The following MEGF11 variants were observed in gnomAD, a reference collection of about 807,000 sequenced individuals.
MEGF11 encodes the protein multiple EGF like domains 11, also known as multiple epidermal growth factor-like domains protein 11.
Under a neutral mutation model 146.6 loss-of-function variants are expected in MEGF11, and 126 were observed. The ratio of observed to expected loss-of-function variants is 0.86; its 90% confidence interval spans 0.74 to 1.00. The LOEUF (loss-of-function observed/expected upper bound fraction) is 1.00. Ranked by LOEUF, MEGF11 falls within the 50% of genes least tolerant of loss-of-function variation. The pLI is 0.00. For synonymous variants in MEGF11, 532 were observed against 583.4 expected (o/e 0.91, Z 1.27); for missense variants, 1,509 against 1,521.2 (o/e 0.99, Z 0.13).
chr15:66,177,205 T>C (rs540498035), intron 1 of MEGF11, among the ~76,000 whole-genome samples: 109 of 152,252 alleles, frequency 7.2e-4, no homozygotes, highest in African/African-American at 2.6e-3. Context: ...CACAAGGAGT[T>C]AAAAGCCAAG....
At chr15:66,175,883 T>C (rs2090376772) in intron 1 of MEGF11, among the ~76,000 whole-genome samples, 1 of 152,118 alleles carries the variant, frequency 6.6e-6, no homozygotes, top group African/African-American at 2.4e-5. Context: ...AGACACAATC[T>C]ATAAAATTGA....
intron 1 of MEGF11, among the ~76,000 whole-genome samples, chr15:66,140,611 C>T (rs10518678): frequency 0.15 from 23,026 of 152,258 alleles, 2,290 homozygotes; most frequent in East Asian, 0.34. Context: ...TGCCGTAATA[C>T]ATACAGGGAC....
intron 1 of MEGF11, among the ~76,000 whole-genome samples, chr15:66,207,160 C>T (rs574238554): frequency 3.3e-5 from 5 of 152,188 alleles, no homozygotes; most frequent in African/African-American, 1.2e-4. Flanking sequence ...CTGAAAACTT[C>T]CCAAATTTAA....
chr15:65,916,154 C>CAA lies in MEGF11; in HGVS notation c.2337_2338insTT (p.Glu780LeufsTer21). 6.3e-7 allele frequency: 1 copy of CAA among 1,589,690 alleles called. No individual in the cohort carries two copies. Among genetic ancestry groups the CAA allele is most frequent in the Non-Finnish European group, 8.6e-7 (1 of 1,167,430 alleles). ...AGGGGTCAGGGCAGCTTACTCTGCT[C>CAA]ACAGTGTTGCCCGGTGAAGCCTGTG... On this transcript the variant is annotated frameshift_variant, in exon 18 of 26. Transcript: ENST00000395614. LOFTEE classifies it high-confidence loss of function.
rs559070549 is a variant in MEGF11 at position 65,923,256 on chromosome 15, G to C, written c.1676-287C>G. Among the ~76,000 whole-genome samples the C allele has an allele frequency of 4.7e-4, 71 of 152,346 alleles. 2 individuals are homozygous for C. The South Asian group carries it at 0.014, about 31-fold the overall frequency. On this transcript the variant is annotated intron_variant, in intron 13 of 25. Coordinates refer to ENST00000395614, the MANE Select transcript of MEGF11 (RefSeq NM_001385028.1). ...CATGTCTTGAAAGAAATTACAAATA[G>C]CAAGTGTGGCTGAACCACAAAGTGC...
At chr15:66,132,080 C>G (rs774120522) in intron 1 of MEGF11, among the ~76,000 whole-genome samples, 6 of 152,222 alleles carry the variant, frequency 3.9e-5, no homozygotes, top group Non-Finnish European at 8.8e-5. Flanking sequence ...AGCAAACGAT[C>G]CCTCCTCCTG....
intron 14 of MEGF11, 123 bp from the exon 15 acceptor site, chr15:65,922,595 C>T (rs1165023968): frequency 3.7e-5 from 51 of 1,366,320 alleles, no homozygotes; most frequent in Middle Eastern, 2.4e-4. Context: ...TCTTGGAGGG[C>T]GCATCCCTTT....
chr15:66,098,669 T>G (rs1021800270), intron 4 of MEGF11, among the ~76,000 whole-genome samples: 1 of 152,138 alleles, frequency 6.6e-6, no homozygotes. Flanking sequence ...AGTCTGCCAT[T>G]AGCATTCTTG....
intron 5 of MEGF11, among the ~76,000 whole-genome samples, chr15:65,992,448 TG>T (rs1296952179): frequency 3.5e-5 from 1 of 28,248 alleles, no homozygotes; most frequent in Non-Finnish European, 9.5e-5. Context: ...TGTGTGTGTG[TG>T]TGGGGGGGGG....
chr15:66,131,297 C>A (rs1322259820), intron 1 of MEGF11, among the ~76,000 whole-genome samples: 2 of 152,264 alleles, frequency 1.3e-5, no homozygotes, highest in Non-Finnish European at 2.9e-5. Context: ...AAACTGAGCA[C>A]TCTTGGTGCA....
At chr15:65,911,386 T>A (rs1312439131) in intron 21 of MEGF11, among the ~76,000 whole-genome samples, 1 of 152,260 alleles carries the variant, frequency 6.6e-6, no homozygotes, top group Non-Finnish European at 1.5e-5. Flanking sequence ...GGTAGCATAC[T>A]GCAGTGATTT....
chr15:66,101,718 C>A (rs2086817135), intron 4 of MEGF11, among the ~76,000 whole-genome samples: 1 of 152,222 alleles, frequency 6.6e-6, no homozygotes, highest in Admixed American at 6.5e-5. Flanking sequence ...CTCATCAGGG[C>A]TCTAATTGTA....
intron 5 of MEGF11, among the ~76,000 whole-genome samples, chr15:66,031,116 C>T (rs1567209774): frequency 1.3e-5 from 2 of 152,172 alleles, no homozygotes; most frequent in African/African-American, 2.4e-5. Context: ...GCATCAGGAC[C>T]AAATTCTCAA....
At chr15:66,056,688 C>A (rs993176515) in intron 5 of MEGF11, among the ~76,000 whole-genome samples, 12 of 152,160 alleles carry the variant, frequency 7.9e-5, no homozygotes, top group Admixed American at 2.6e-4. Flanking sequence ...CCTCACCTAC[C>A]CAGAAGGGGA....
At chr15:65,900,335 A>G (rs2078464309) in intron 24 of MEGF11, among the ~76,000 whole-genome samples, 1 of 152,190 alleles carries the variant, frequency 6.6e-6, no homozygotes, top group African/African-American at 2.4e-5. Context: ...TGAAAGTGAT[A>G]ATGTAACTCA....
At chr15:66,124,450 T>G (rs998858502) in intron 2 of MEGF11, among the ~76,000 whole-genome samples, 1 of 152,132 alleles carries the variant, frequency 6.6e-6, no homozygotes, top group Non-Finnish European at 1.5e-5. Context: ...GAAACTAAGG[T>G]TCAGAGAAAA....
chr15:66,155,700 G>A (rs1232052006), intron 1 of MEGF11, among the ~76,000 whole-genome samples: 1 of 152,096 alleles, frequency 6.6e-6, no homozygotes, highest in South Asian at 2.1e-4. Flanking sequence ...TCAGTGACTT[G>A]GGCCAAGAAA....
intron 1 of MEGF11, among the ~76,000 whole-genome samples, chr15:66,167,997 T>C (rs2090146755): frequency 6.6e-6 from 1 of 152,136 alleles, no homozygotes; most frequent in Non-Finnish European, 1.5e-5. Flanking sequence ...TGCATTCTCC[T>C]AGGCCAGGCT....
intron 1 of MEGF11, among the ~76,000 whole-genome samples, chr15:66,179,161 C>G (rs1181918317): frequency 6.6e-6 from 1 of 152,150 alleles, no homozygotes; most frequent in African/African-American, 2.4e-5. Flanking sequence ...GAGATGAAGT[C>G]TCTCTCTGTC....
Sources: gnomAD v4.1 joint callset for allele counts (sites outside exome capture counted in the v4.1 genomes callset) on GRCh38, gnomAD v4.1.1 for gene constraint, MANE v1.5 for transcripts, NCBI Gene and HGNC (gene_info 2026-07-23, HGNC 2026-07-21) for gene names.